GRXCR2: variants seen among roughly 807,000 people sequenced by gnomAD.
GRXCR2 encodes glutaredoxin and cysteine rich domain containing 2.
A neutral mutation model predicts 24.8 loss-of-function variants in GRXCR2; 23 were observed. The observed-to-expected ratio is 0.93, with a 90% CI of 0.67 to 1.32. GRXCR2 has a LOEUF of 1.32. Among genes scored for constraint, GRXCR2 ranks in the 40% most tolerant of loss-of-function variants. GRXCR2 has a pLI of 0.00. For synonymous variants in GRXCR2, 130 were observed against 116.1 expected (o/e 1.12, Z -0.77); for missense variants, 315 against 303.4 (o/e 1.04, Z -0.28).
At chr5:145,883,932 G>T (rs1029847954) in intron 2 of GRXCR2, among the ~76,000 whole-genome samples, 4 of 152,226 alleles carry the variant, frequency 2.6e-5, no homozygotes, top group Admixed American at 6.5e-5. Context: ...TCTCAGTATG[G>T]AGCACAATAC....
intron 2 of GRXCR2, among the ~76,000 whole-genome samples, chr5:145,910,836 A>ATGTGTGTGTG (rs1757154424): frequency 1.1e-5 from 1 of 91,322 alleles, no homozygotes; most frequent in Non-Finnish European, 2.1e-5. Flanking sequence ...GAACTATGTG[A>ATGTGTGTGTG]AGTGTGTGTG....
At chr5:145,901,724 A>G (rs1757026715) in intron 2 of GRXCR2, among the ~76,000 whole-genome samples, 1 of 152,186 alleles carries the variant, frequency 6.6e-6, no homozygotes, top group South Asian at 2.1e-4. Context: ...CATGGAGGGA[A>G]GAATGTTTCA....
upstream of GRXCR2, among the ~76,000 whole-genome samples, chr5:145,877,709 G>C (rs1756639590): frequency 6.6e-6 from 1 of 152,204 alleles, no homozygotes; most frequent in African/African-American, 2.4e-5. Flanking sequence ...ATTGAGACTG[G>C]TTGGACAGTG....
chr5:145,881,480 G>A (rs1431772645), intron 2 of GRXCR2, among the ~76,000 whole-genome samples: 17 of 152,118 alleles, frequency 1.1e-4, no homozygotes, highest in Non-Finnish European at 2.2e-4. Context: ...GGATGTGAAG[G>A]ACCTCTTCAA....
intron 2 of GRXCR2, among the ~76,000 whole-genome samples, chr5:145,925,686 C>A (rs1757383453): frequency 6.6e-6 from 1 of 152,088 alleles, no homozygotes. Flanking sequence ...GAAAGAGAGA[C>A]ACAATTTATA....
chr5:145,887,371 T>C (rs1021739556), intron 2 of GRXCR2, among the ~76,000 whole-genome samples: 1 of 152,254 alleles, frequency 6.6e-6, no homozygotes, highest in Non-Finnish European at 1.5e-5. Flanking sequence ...AGTCGCTTAT[T>C]ACTTGTCGCT....
intron 2 of GRXCR2, among the ~76,000 whole-genome samples, chr5:145,930,003 C>A (rs2149931473): frequency 6.6e-6 from 1 of 152,272 alleles, no homozygotes; most frequent in South Asian, 2.1e-4. Flanking sequence ...ATTCTCTTTT[C>A]ATTTTTCCTT....
At chr5:145,904,410 A>G (rs1757064239) in intron 2 of GRXCR2, among the ~76,000 whole-genome samples, 1 of 152,154 alleles carries the variant, frequency 6.6e-6, no homozygotes, top group Non-Finnish European at 1.5e-5. Flanking sequence ...CTGTAAAATG[A>G]AAGACTTGGA....
chr5:145,875,827 TC>T (rs1756604005), upstream of GRXCR2, among the ~76,000 whole-genome samples: 2 of 152,032 alleles, frequency 1.3e-5, no homozygotes, highest in Admixed American at 6.5e-5. Flanking sequence ...CAGCCAGGTG[TC>T]CCCCAGGACT....
intron 2 of GRXCR2, among the ~76,000 whole-genome samples, chr5:145,865,651 C>G (rs1756416906): frequency 6.6e-6 from 1 of 152,182 alleles, no homozygotes; most frequent in Non-Finnish European, 1.5e-5. Context: ...GCGTCCAGCT[C>G]ACTTGTTCAC....
At chr5:145,917,062 CTT>C (rs34794205) in intron 2 of GRXCR2, among the ~76,000 whole-genome samples, 17 of 142,368 alleles carry the variant, frequency 1.2e-4, no homozygotes, top group East Asian at 2.0e-4. Flanking sequence ...TCCTAAGCAT[CTT>C]TTTTTTTTTT....
At chr5:145,893,024 G>A (rs988574839) in intron 2 of GRXCR2, among the ~76,000 whole-genome samples, 6 of 152,128 alleles carry the variant, frequency 3.9e-5, no homozygotes, top group African/African-American at 1.4e-4. Flanking sequence ...TTCATATCCA[G>A]CCAAACTAAG....
intron 2 of GRXCR2, among the ~76,000 whole-genome samples, chr5:145,930,149 A>T (rs1423487929): frequency 6.6e-6 from 1 of 151,996 alleles, no homozygotes; most frequent in Non-Finnish European, 1.5e-5. Context: ...CAGTGGTGCA[A>T]TCTCAGCTCA....
At chr5:145,926,202 C>T (rs572076123) in intron 2 of GRXCR2, among the ~76,000 whole-genome samples, 30 of 152,100 alleles carry the variant, frequency 2.0e-4, no homozygotes, top group Non-Finnish European at 2.9e-4. Context: ...CATGGATTAA[C>T]GTCTAATTAC....
intron 2 of GRXCR2, among the ~76,000 whole-genome samples, chr5:145,917,164 G>A (rs969937273): frequency 2.7e-5 from 4 of 147,888 alleles, no homozygotes; most frequent in African/African-American, 1.0e-4. Flanking sequence ...AGATGGACAC[G>A]TTCTCCACAG....
At chr5:145,893,037 T>C (rs917008483) in intron 2 of GRXCR2, among the ~76,000 whole-genome samples, 1 of 152,120 alleles carries the variant, frequency 6.6e-6, no homozygotes. Flanking sequence ...AAACTAAGCT[T>C]CATAAGTGAA....
intron 2 of GRXCR2, among the ~76,000 whole-genome samples, chr5:145,898,779 A>G (rs887531259): frequency 6.6e-6 from 1 of 152,126 alleles, no homozygotes; most frequent in Admixed American, 6.6e-5. Flanking sequence ...CCTCAAAATA[A>G]TAAGAGCCAT....
Position 145,889,231 on chromosome 5 carries a change from AG to A in GRXCR2, c.-69-22504del, listed in dbSNP as rs1365624977. ...AAGAAAGAAAGAAAGAAAGAAAGAA[AG>A]AAAGAAAGAAAGAATTATGCAATGG... On this transcript the variant is annotated intron_variant, in intron 2 of 3. Transcript: ENST00000639411. Among the ~76,000 whole-genome samples the A allele has an allele frequency of 2.7e-5, 4 of 148,814 alleles. No individual in the cohort carries two copies. The East Asian group carries it at 7.9e-4, about 30-fold the overall frequency.
chr5:145,872,911 G>T lies in GRXCR2; in HGVS notation c.58C>A (p.Arg20=). Residue 20 remains arginine (R), a synonymous_variant, in exon 1 of 3, where the codon CGA becomes AGA. Transcript: ENST00000377976. ...CTGTAGGAGGAGGAGATTTTAAATCGTACTTTCCGGGGTTTGCCATCACTC... is the reference window on the plus strand; with the variant it reads ...CTGTAGGAGGAGGAGATTTTAAATCTTACTTTCCGGGGTTTGCCATCACTC... ...QKSDGKPRKV[R]FKISSSYSGR... 1 of 1,614,154 alleles carries T rather than the reference G, an allele frequency of 6.2e-7. No individual in the cohort carries two copies. Among genetic ancestry groups the T allele is most frequent in the South Asian group, 1.1e-5 (1 of 91,080 alleles).
Sources: allele counts gnomAD v4.1 joint callset (sites outside exome capture counted in the v4.1 genomes callset), GRCh38; gene constraint gnomAD v4.1.1; transcripts MANE v1.5; gene names NCBI Gene and HGNC (gene_info 2026-07-23, HGNC 2026-07-21).